Variants in DNASE1 observed in about 807,000 individuals in gnomAD.
The protein encoded by DNASE1 is deoxyribonuclease 1.
A neutral mutation model predicts 33.9 loss-of-function variants in DNASE1; 40 were observed. The ratio of observed to expected loss-of-function variants is 1.18; its 90% confidence interval spans 0.92 to 1.54. The LOEUF (loss-of-function observed/expected upper bound fraction) is 1.54, where lower values mean the gene tolerates loss of function less well. Ranked by LOEUF, DNASE1 falls within the 40% of genes most tolerant of loss-of-function variation. DNASE1 has a pLI of 0.00. For synonymous variants in DNASE1, 216 were observed against 160.0 expected (o/e 1.35, Z -2.64); for missense variants, 518 against 372.6 (o/e 1.39, Z -3.21).
intron 1 of DNASE1, among the ~76,000 whole-genome samples, chr16:3,616,558 T>A (rs1175303570): frequency 1.3e-5 from 2 of 152,076 alleles, no homozygotes; most frequent in African/African-American, 2.4e-5. Context: ...GAGATGGAGG[T>A]TGCAGTGATC....
upstream of DNASE1, among the ~76,000 whole-genome samples, chr16:3,640,144 G>C (rs184689842): frequency 4.3e-4 from 66 of 152,264 alleles, no homozygotes; most frequent in Non-Finnish European, 8.1e-4. Context: ...TGGCTTGTGG[G>C]AACACAAAAT....
rs576073204 is a variant in DNASE1 at position 3,663,679 on chromosome 16, G to C, written c.*5726G>C. 9 of 1,300,626 alleles carry C rather than the reference G, an allele frequency of 6.9e-6. No homozygotes were observed. The South Asian group carries it at 1.1e-4, about 16-fold the overall frequency. 80.6% of individuals were successfully genotyped at this position (1,300,626 alleles called of 1,614,324 possible). A position where few individuals can be genotyped will look rare whatever the true frequency, so the allele number is the denominator to read the frequency against. On this transcript the variant is annotated 3_prime_UTR_variant, in exon 10 of 10. Coordinates refer to the DNASE1 transcript ENST00000407479. ...CAAGCGGGCCACACTGGGGAACACC[G>C]GGGCAGTTGGGGTTCCTAGGCCTGC...
chr16:3,620,862 G>A (rs1448637691), intron 1 of DNASE1, among the ~76,000 whole-genome samples: 2 of 151,866 alleles, frequency 1.3e-5, no homozygotes, highest in African/African-American at 4.8e-5. Flanking sequence ...GTGCAGTGGC[G>A]CAATGCCGGC....
At chr16:3,647,176 T>C (rs2042197840) in intron 1 of DNASE1, among the ~76,000 whole-genome samples, 1 of 152,188 alleles carries the variant, frequency 6.6e-6, no homozygotes, top group South Asian at 2.1e-4. Context: ...TAACTAATGG[T>C]TACCTTATTT....
At chr16:3,621,831 T>C (rs760125028) in intron 1 of DNASE1, among the ~76,000 whole-genome samples, 4 of 152,224 alleles carry the variant, frequency 2.6e-5, no homozygotes, top group East Asian at 1.9e-4. Flanking sequence ...TTTGCACATA[T>C]ATTTGTAGGA....
Position 3,656,714 on chromosome 16 carries a change from C to G in DNASE1, c.397C>G (p.Arg133Gly), listed in dbSNP as rs745357597. The stretch of plus-strand genomic sequence containing the variant: ...GCCCTGCGGGAACGACACCTTCAAC[C>G]GAGAGCCAGCCATTGTCAGGTTCTT... Reference protein sequence around the residue: ...CEPCGNDTFNREPAIVRFFSR... With the variant: ...CEPCGNDTFNGEPAIVRFFSR... Residue 133 changes from arginine to glycine, a missense_variant, in exon 5 of 9, where the codon CGA (arginine) becomes GGA (glycine). Arg to Gly is a moderately radical substitution (Grantham distance 125). Transcript: ENST00000246949. 1.9e-6 allele frequency: 3 copies of G among 1,612,680 alleles called. No individual in the cohort carries two copies. In the South Asian group the frequency reaches 3.3e-5, roughly 18 times the overall value.
chr16:3,639,159 A>G (rs149636502), upstream of DNASE1, among the ~76,000 whole-genome samples: 250 of 152,302 alleles, frequency 1.6e-3, 5 homozygotes, highest in Middle Eastern at 0.017. Flanking sequence ...TCTCAACTCT[A>G]AATCCACCCT....
At chr16:3,654,037 C>T (rs867668417), upstream of DNASE1, 14 of 194,160 alleles carry the variant, frequency 7.2e-5, no homozygotes, top group East Asian at 6.0e-4. Context: ...TGAGCCCTGG[C>T]GGTTGAGGCT....
intron 1 of DNASE1, among the ~76,000 whole-genome samples, chr16:3,628,988 A>G (rs1393924830): frequency 6.7e-6 from 1 of 150,038 alleles, no homozygotes; most frequent in African/African-American, 2.4e-5. Flanking sequence ...CCTGGCCAAC[A>G]TAGTGAAACC....
At chr16:3,655,778 T>C in intron 2 of DNASE1, 71 bp from the exon 3 acceptor site, 1 of 1,576,556 alleles carries the variant, frequency 6.3e-7, no homozygotes, top group Non-Finnish European at 8.7e-7. Flanking sequence ...CAGCTGTGGC[T>C]CCCTTTGTGG....
At chr16:3,632,522 T>C (rs900149253) in intron 1 of DNASE1, among the ~76,000 whole-genome samples, 1 of 152,140 alleles carries the variant, frequency 6.6e-6, no homozygotes, top group Non-Finnish European at 1.5e-5. Flanking sequence ...GAAATTAGTA[T>C]AGCCACTGGG....
In DNASE1 at chr16:3,656,672, T is replaced by C; in HGVS notation, c.355T>C (p.Tyr119His). The change falls in exon 5 of 9, where the codon TAC becomes CAC. Residue 119 changes from tyrosine to histidine, a missense_variant. Physicochemically the swap from Tyr to His is moderately conservative, Grantham distance 83. Coordinates refer to ENST00000246949, the MANE Select transcript of DNASE1 (RefSeq NM_005223.4). ...DQVSAVDSYY[Y>H]DDGCEPCGND... Reference sequence around the variant, plus strand: ...GGTGTCTGCGGTGGACAGCTACTACTACGATGATGGCTGCGAGCCCTGCGG... The same window carrying C: ...GGTGTCTGCGGTGGACAGCTACTACCACGATGATGGCTGCGAGCCCTGCGG... The C allele has an allele frequency of 6.2e-7, 1 of 1,613,204 alleles. No homozygotes were observed. The highest frequency in any genetic ancestry group is 1.3e-5 in the African/African-American group (1 of 75,030).
chr16:3,617,118 G>A (rs1397172700), intron 1 of DNASE1, among the ~76,000 whole-genome samples: 1 of 151,838 alleles, frequency 6.6e-6, no homozygotes, highest in Admixed American at 6.6e-5. Flanking sequence ...CCAGAGGTCA[G>A]GAGTTTGAGA....
At position 3,656,660 on chromosome 16, in the gene DNASE1, G is replaced by T. The variant is rs775559875; in HGVS notation, c.343G>T (p.Asp115Tyr). 6.2e-7 allele frequency: 1 copy of T among 1,612,800 alleles called. No homozygotes were observed. The change falls in exon 5 of 9, where the codon GAC (aspartate) becomes TAC (tyrosine). Residue 115 changes from aspartate to tyrosine, a missense_variant. By Grantham distance (160) the Asp-to-Tyr change is radical. Transcript: ENST00000246949. ...VYRPDQVSAV[D>Y]SYYYDDGCEP... ...CAGGCCTGACCAGGTGTCTGCGGTGGACAGCTACTACTACGATGATGGCTG... is the reference window on the plus strand; with the variant it reads ...CAGGCCTGACCAGGTGTCTGCGGTGTACAGCTACTACTACGATGATGGCTG...
chr16:3,658,553 G>A, downstream of DNASE1: 1 of 577,606 alleles, frequency 1.7e-6, no homozygotes, highest in Non-Finnish European at 3.1e-6. Context: ...CATGCCTGTA[G>A]TCCCAGCTAC....
rs552883126 is a variant in DNASE1 at position 3,657,041 on chromosome 16, G to A, written c.479G>A (p.Gly160Glu). The A allele has an allele frequency of 5.6e-6, 9 of 1,613,744 alleles. No homozygotes were observed. The South Asian group carries it at 8.8e-5, about 16-fold the overall frequency. The change falls in exon 6 of 9, where the codon GGG (glycine) becomes GAG (glutamate). Residue 160 changes from glycine to glutamate, a missense_variant. Physicochemically the swap from Gly to Glu is moderately conservative, Grantham distance 98. Transcript: ENST00000246949. The stretch of plus-strand genomic sequence containing the variant: ...ATTGTTCCCCTGCATGCGGCCCCGG[G>A]GGACGCAGTAGCCGAGATCGACGCT... ...FAIVPLHAAP[G>E]DAVAEIDALY... is the part of the protein sequence containing the mutation.
chr16:3,623,313 T>C (rs2041389071), intron 1 of DNASE1, among the ~76,000 whole-genome samples: 1 of 152,154 alleles, frequency 6.6e-6, no homozygotes, highest in Non-Finnish European at 1.5e-5. Flanking sequence ...ACCGTACCTC[T>C]ATCTCTCACC....
Position 3,648,707 on chromosome 16 carries a change from G to C in DNASE1, c.-86+5671G>C, listed in dbSNP as rs1425379199. Among the ~76,000 whole-genome samples the C allele has an allele frequency of 2.6e-5, 4 of 152,198 alleles. No individual in the cohort carries two copies. In the East Asian group the frequency reaches 5.8e-4, roughly 22 times the overall value. On this transcript the variant is annotated intron_variant, in intron 1 of 9. Coordinates refer to the DNASE1 transcript ENST00000407479. ...CCAATAAGAGCCATTACAAACTTAA[G>C]AGTTTACTATTAATACTTCCCAGTT...
chr16:3,656,918 C>T, intron 5 of DNASE1, 81 bp from the exon 6 acceptor site: 1 of 1,568,040 alleles, frequency 6.4e-7, no homozygotes, highest in Non-Finnish European at 8.6e-7. Context: ...GGGGGACTGT[C>T]ATGATACATA....
Sources: gnomAD v4.1 joint callset for allele counts (sites outside exome capture counted in the v4.1 genomes callset) on GRCh38, gnomAD v4.1.1 for gene constraint, MANE v1.5 for transcripts, NCBI Gene and HGNC (gene_info 2026-07-23, HGNC 2026-07-21) for gene names.